The following SLC9B2 variants were observed in gnomAD, a reference collection of about 807,000 sequenced individuals.
The protein encoded by SLC9B2 is sodium/hydrogen exchanger 9B2.
SLC9B2 carries 39 observed loss-of-function variants against 52.2 expected under a neutral mutation model. The ratio of observed to expected loss-of-function variants is 0.75; its 90% CI spans 0.58 to 0.98. The LOEUF (loss-of-function observed/expected upper bound fraction) is 0.98, where lower values mean the gene tolerates loss of function less well. Ranked by LOEUF, SLC9B2 falls within the 50% of genes least tolerant of loss-of-function variation. The pLI is 0.00. For synonymous variants in SLC9B2, 214 were observed against 227.0 expected (o/e 0.94, Z 0.51); for missense variants, 626 against 637.5 (o/e 0.98, Z 0.19).
intron 10 of SLC9B2, 145 bp from the exon 11 acceptor site, chr4:103,029,028 A>G (rs1486662147): frequency 1.4e-6 from 1 of 699,430 alleles, no homozygotes; most frequent in Non-Finnish European, 2.2e-6. Context: ...GGAAGAATAT[A>G]TAAAAACAAT....
intron 7 of SLC9B2, among the ~76,000 whole-genome samples, chr4:103,045,963 G>A (rs1744083923): frequency 6.6e-6 from 1 of 152,178 alleles, no homozygotes; most frequent in Admixed American, 6.5e-5. Flanking sequence ...ATTAAAAATA[G>A]GAGTATGAAT....
chr4:103,042,644 A>T (rs1743736359), intron 9 of SLC9B2, among the ~76,000 whole-genome samples: 1 of 151,548 alleles, frequency 6.6e-6, no homozygotes, highest in Admixed American at 6.6e-5. Flanking sequence ...TCAAAGACTT[A>T]GATCAGAAAA....
intron 1 of SLC9B2, among the ~76,000 whole-genome samples, chr4:103,075,876 C>T (rs1747082706): frequency 6.6e-6 from 1 of 152,198 alleles, no homozygotes; most frequent in African/African-American, 2.4e-5. Flanking sequence ...TTATCTCTTA[C>T]AGCAGCTACT....
At chr4:103,076,926 G>T (rs780275483), upstream of SLC9B2, 3 of 152,264 alleles carry the variant, frequency 2.0e-5, no homozygotes, top group Non-Finnish European at 4.4e-5. Flanking sequence ...CAGCTGCGGT[G>T]GGAAGATAGG....
chr4:103,031,605 G>T, intron 10 of SLC9B2, 95 bp downstream of exon 10: 1 of 842,020 alleles, frequency 1.2e-6, no homozygotes, highest in Non-Finnish European at 1.9e-6. Flanking sequence ...ATACCTGCTG[G>T]AGATATTTCA....
At chr4:103,033,797 A>T (rs542911877) in intron 9 of SLC9B2, among the ~76,000 whole-genome samples, 1 of 152,294 alleles carries the variant, frequency 6.6e-6, no homozygotes, top group African/African-American at 2.4e-5. Flanking sequence ...AACACTGCTG[A>T]AAGAAATCAG....
chr4:103,027,631 G>GA (rs1475506221), intron 11 of SLC9B2, among the ~76,000 whole-genome samples: 1 of 151,916 alleles, frequency 6.6e-6, no homozygotes, highest in Non-Finnish European at 1.5e-5. Flanking sequence ...CAATGAAAAA[G>GA]AAAAATGTGC....
At chr4:103,032,999 A>C (rs1177338120) in intron 9 of SLC9B2, among the ~76,000 whole-genome samples, 3 of 152,164 alleles carry the variant, frequency 2.0e-5, no homozygotes, top group Non-Finnish European at 2.9e-5. Context: ...ATACCTTGTT[A>C]CTGGAATCCC....
At chr4:103,042,774 G>C (rs569246880) in intron 9 of SLC9B2, among the ~76,000 whole-genome samples, 2 of 151,498 alleles carry the variant, frequency 1.3e-5, no homozygotes, top group East Asian at 3.9e-4. Flanking sequence ...CTGATTTCTA[G>C]AAATTTATTG....
At chr4:103,055,960 C>A (rs192209978) in intron 4 of SLC9B2, among the ~76,000 whole-genome samples, 1 of 151,728 alleles carries the variant, frequency 6.6e-6, no homozygotes, top group Non-Finnish European at 1.5e-5. Context: ...CCCGCCACCA[C>A]GCCTGACTAA....
At chr4:103,062,349 G>A (rs918409261) in intron 3 of SLC9B2, among the ~76,000 whole-genome samples, 1 of 151,576 alleles carries the variant, frequency 6.6e-6, no homozygotes, top group Admixed American at 6.6e-5. Context: ...AACCCAGGAG[G>A]TGGAGCTTGC....
At chr4:103,073,441 A>C (rs1746842448) in intron 1 of SLC9B2, among the ~76,000 whole-genome samples, 1 of 152,160 alleles carries the variant, frequency 6.6e-6, no homozygotes, top group South Asian at 2.1e-4. Context: ...TCATTTCCCA[A>C]AAGGAGCCCT....
At chr4:103,044,507 G>C (rs1743927268) in intron 8 of SLC9B2, among the ~76,000 whole-genome samples, 1 of 152,118 alleles carries the variant, frequency 6.6e-6, no homozygotes, top group Non-Finnish European at 1.5e-5. Flanking sequence ...CCTCCTGAGT[G>C]GCTGGGACTA....
chr4:103,058,734 G>A (rs930475961), intron 3 of SLC9B2, among the ~76,000 whole-genome samples: 2 of 151,974 alleles, frequency 1.3e-5, no homozygotes, highest in Non-Finnish European at 2.9e-5. Context: ...TTATCCTGCT[G>A]CCTAAAGCAT....
chr4:103,028,598 G>T (rs1012725212), intron 11 of SLC9B2, 149 bp downstream of exon 11: 7 of 987,748 alleles, frequency 7.1e-6, no homozygotes, highest in East Asian at 3.2e-5. Context: ...AAAAATACAG[G>T]TTTTAAAGAA....
rs1397991303 is a variant in SLC9B2, at chr4:103,076,491, T to A, written c.-350A>T. Reference sequence around the variant, plus strand: ...TCCGGGGCCCGCAGCGGCAGCCCCGTGTGCCCTCCGCCGGGTTTCAGGTCC... The same window carrying A: ...TCCGGGGCCCGCAGCGGCAGCCCCGAGTGCCCTCCGCCGGGTTTCAGGTCC... On this transcript the variant is annotated 5_prime_UTR_variant, in exon 1 of 12. Coordinates refer to ENST00000394785, the MANE Select transcript of SLC9B2 (RefSeq NM_178833.7). 1.3e-5 allele frequency: 2 copies of A among 152,148 alleles called. No homozygotes were observed. The highest frequency in any genetic ancestry group is 2.9e-5 in the Non-Finnish European group (2 of 68,026). 9.4% of individuals were successfully genotyped at this position (152,148 alleles called of 1,614,324 possible).
chr4:103,046,966 T>C (rs1352925816), intron 7 of SLC9B2, 85 bp downstream of exon 7: 2 of 1,468,372 alleles, frequency 1.4e-6, no homozygotes, highest in African/African-American at 1.4e-5. Context: ...TAATCAATTA[T>C]CAAGCAAATA....
At chr4:103,067,180 T>A (rs1370519104) in intron 2 of SLC9B2, among the ~76,000 whole-genome samples, 3 of 152,196 alleles carry the variant, frequency 2.0e-5, no homozygotes, top group Non-Finnish European at 4.4e-5. Flanking sequence ...TAGAAAAAGA[T>A]AACTATCTGT....
rs560217329 is a variant in SLC9B2 at position 103,057,680 on chromosome 4, C to G, written c.442+121G>C. Reference sequence around the variant, plus strand: ...GAACTACTCAAAATTTAACAACTGGCTTTTGGCTCCAGCATGGCAAATACA... The same window carrying G: ...GAACTACTCAAAATTTAACAACTGGGTTTTGGCTCCAGCATGGCAAATACA... On this transcript the variant is annotated intron_variant, in intron 4 of 11. Transcript: ENST00000394785. 41 of 1,081,134 alleles carry G rather than the reference C, an allele frequency of 3.8e-5. 1 individual carries two copies. The East Asian group carries it at 9.9e-4, about 26-fold the overall frequency. 67.0% of individuals were successfully genotyped at this position (1,081,134 alleles called of 1,614,324 possible).
Sources: gnomAD v4.1 joint callset for allele counts (sites outside exome capture counted in the v4.1 genomes callset) on GRCh38, gnomAD v4.1.1 for gene constraint, MANE v1.5 for transcripts, NCBI Gene and HGNC (gene_info 2026-07-23, HGNC 2026-07-21) for gene names.